The following DTNA variants were observed in gnomAD, a reference collection of about 807,000 sequenced individuals.
DTNA encodes the protein dystrophin-related protein 3.
In DTNA, 43 loss-of-function variants were observed where a neutral mutation model predicts 100.7. The observed-to-expected ratio is 0.43, with a 90% CI of 0.33 to 0.55. DTNA has a LOEUF of 0.55. Ranked by LOEUF, DTNA falls within the 20% of genes least tolerant of loss-of-function variation. DTNA has a pLI of 0.04. For synonymous variants in DTNA, 349 were observed against 347.9 expected, an observed-to-expected ratio of 1.00 and a Z score of -0.04; for missense variants, 798 against 953.9, an observed-to-expected ratio of 0.84 and a Z score of 2.15.
At chr18:34,681,703 C>T (rs1325541385) in intron 1 of DTNA, among the ~76,000 whole-genome samples, 2 of 146,048 alleles carry the variant, frequency 1.4e-5, no homozygotes, top group Non-Finnish European at 3.0e-5. Context: ...ACAACACACA[C>T]ACACACACAC....
intron 1 of DTNA, among the ~76,000 whole-genome samples, chr18:34,581,273 A>AAAAC (rs1417114579): frequency 4.8e-5 from 6 of 124,798 alleles, no homozygotes; most frequent in South Asian, 4.3e-4. Flanking sequence ...AAAACAAAAC[A>AAAAC]AAAAAACAAA....
chr18:34,568,554 A>G (rs79871950), intron 1 of DTNA, among the ~76,000 whole-genome samples: 2,197 of 152,256 alleles, frequency 0.014, 53 homozygotes, highest in African/African-American at 0.049. Context: ...ATGCATAATC[A>G]TAAAAGTCTC....
intron 1 of DTNA, among the ~76,000 whole-genome samples, chr18:34,562,325 T>G (rs1033446287): frequency 3.9e-5 from 6 of 152,184 alleles, no homozygotes; most frequent in Admixed American, 3.9e-4. Flanking sequence ...CCACCAAAAT[T>G]TAGAGACACA....
At chr18:34,714,372 A>C (rs1397450859) in intron 1 of DTNA, among the ~76,000 whole-genome samples, 1 of 147,156 alleles carries the variant, frequency 6.8e-6, no homozygotes, top group African/African-American at 2.6e-5. Context: ...CAATGAACTC[A>C]AACAAATTTA....
intron 20 of DTNA, among the ~76,000 whole-genome samples, chr18:34,880,473 G>C (rs1425194003): frequency 1.3e-5 from 2 of 152,174 alleles, no homozygotes; most frequent in East Asian, 3.9e-4. Flanking sequence ...AAATGACCAT[G>C]GTTCATGGAG....
At chr18:34,799,818 G>A (rs2095137319) in intron 4 of DTNA, among the ~76,000 whole-genome samples, 1 of 152,146 alleles carries the variant, frequency 6.6e-6, no homozygotes, top group Non-Finnish European at 1.5e-5. Flanking sequence ...AGAATTTCAA[G>A]AGAGATGAGG....
At chr18:34,602,990 G>A (rs116615207) in intron 1 of DTNA, among the ~76,000 whole-genome samples, 192 of 151,082 alleles carry the variant, frequency 1.3e-3, no homozygotes, top group African/African-American at 4.3e-3. Context: ...GCGACAGTGT[G>A]AGACTCCCTC....
chr18:34,618,823 G>C lies in DTNA; in HGVS notation c.-2+125309G>C, dbSNP rs556342554. Among the ~76,000 whole-genome samples the C allele has an allele frequency of 3.9e-5, 6 of 152,114 alleles. No homozygotes were observed. In the East Asian group the frequency reaches 7.7e-4, roughly 20 times the overall value. On this transcript the variant is annotated intron_variant, in intron 1 of 19. Coordinates refer to the DTNA transcript ENST00000283365. ...TTTTCATTCATTTATCATCTACTTT[G>C]ATCATCAGCCATGTACCAATTAATT...
At chr18:34,831,655 C>A (rs555438077) in intron 11 of DTNA, among the ~76,000 whole-genome samples, 1 of 152,218 alleles carries the variant, frequency 6.6e-6, no homozygotes, top group African/African-American at 2.4e-5. Context: ...GTAATCCCAG[C>A]TACTCAGGAG....
intron 22 of DTNA, 125 bp from the exon 23 acceptor site, chr18:34,887,633 GTGTGTGCA>G: frequency 1.7e-6 from 1 of 580,294 alleles, no homozygotes; most frequent in Non-Finnish European, 2.2e-6. Context: ...AAAGGAGTGT[GTGTGTGCA>G]TGTGTGTGTG....
intron 1 of DTNA, among the ~76,000 whole-genome samples, chr18:34,598,295 A>C (rs187246877): frequency 1.3e-5 from 2 of 151,908 alleles, no homozygotes; most frequent in Admixed American, 6.6e-5. Flanking sequence ...ATGGTGAGTC[A>C]GCTGTTTATT....
intron 1 of DTNA, among the ~76,000 whole-genome samples, chr18:34,713,364 T>G: frequency 6.6e-6 from 1 of 152,304 alleles, no homozygotes. Context: ...GCTTGGTATG[T>G]TATTATCAGA....
intron 17 of DTNA, chr18:34,866,785 T>C (rs1215231535): frequency 4.0e-6 from 4 of 992,476 alleles, no homozygotes; most frequent in African/African-American, 3.5e-5. Context: ...TACTGTTGGT[T>C]GACAGTAATC....
chr18:34,861,179 G>A (rs776381277), intron 16 of DTNA, among the ~76,000 whole-genome samples: 4 of 151,990 alleles, frequency 2.6e-5, no homozygotes, highest in Non-Finnish European at 5.9e-5. Context: ...TTCTAACACT[G>A]TTCTAAAAGA....
chr18:34,745,283 C>A (rs1030422580), intron 1 of DTNA, among the ~76,000 whole-genome samples: 1 of 152,126 alleles, frequency 6.6e-6, no homozygotes, highest in Non-Finnish European at 1.5e-5. Flanking sequence ...TAGCCTACAT[C>A]TAGTTCAATA....
At chr18:34,585,687 A>G (rs1367586846) in intron 1 of DTNA, among the ~76,000 whole-genome samples, 2 of 152,150 alleles carry the variant, frequency 1.3e-5, no homozygotes, top group Admixed American at 6.5e-5. Context: ...CTTATCTCCC[A>G]TAGTAGGAGG....
At chr18:34,578,742 GTTTTTGTTTGCT>G (rs1244766553) in intron 1 of DTNA, among the ~76,000 whole-genome samples, 2 of 151,992 alleles carry the variant, frequency 1.3e-5, no homozygotes, top group African/African-American at 4.8e-5. Context: ...CCCACTTTAT[GTTTTTGTTTGCT>G]TTGTCAACGA....
At chr18:34,768,405 C>G (rs2093601472) in intron 3 of DTNA, among the ~76,000 whole-genome samples, 1 of 152,006 alleles carries the variant, frequency 6.6e-6, no homozygotes, top group South Asian at 2.1e-4. Flanking sequence ...CTTGGCAACA[C>G]TGCACTCAAC....
chr18:34,750,146 T>C (rs2092167473), intron 1 of DTNA, among the ~76,000 whole-genome samples: 1 of 152,204 alleles, frequency 6.6e-6, no homozygotes, highest in Non-Finnish European at 1.5e-5. Flanking sequence ...AAAGTCTGCT[T>C]AAGTGTTTGC....
Sources: gnomAD v4.1 joint callset for allele counts (sites outside exome capture counted in the v4.1 genomes callset) on GRCh38, gnomAD v4.1.1 for gene constraint, MANE v1.5 for transcripts, NCBI Gene and HGNC (gene_info 2026-07-23, HGNC 2026-07-21) for gene names.